The following PTPRM variants were observed in gnomAD, a reference collection of about 807,000 sequenced individuals.
PTPRM encodes protein tyrosine phosphatase receptor type M, also known as receptor-type tyrosine-protein phosphatase mu.
A neutral mutation model predicts 186.7 loss-of-function variants in PTPRM; 47 were observed. The observed-to-expected ratio is 0.25, with a 90% CI of 0.20 to 0.32. PTPRM has a LOEUF of 0.32. PTPRM is among the 10% of genes least tolerant of loss of function. PTPRM has a pLI of 1.00. For missense variants in PTPRM, 1,494 were observed against 1,865.0 expected (o/e 0.80, Z 3.66); for synonymous variants, 668 against 674.9 (o/e 0.99, Z 0.16).
Position 7,921,659 on chromosome 18 carries a change from C to T in PTPRM, c.548-4909C>T, listed in dbSNP as rs567960722. ...CCTCTCAAAGTGCTGGGATTACAGG[C>T]GTGAGCCACCGCACCCGGCCTCTAA... On this transcript the variant is annotated intron_variant, in intron 4 of 32. Coordinates refer to ENST00000580170, the MANE Select transcript of PTPRM (RefSeq NM_001105244.2). Among the ~76,000 whole-genome samples, 12 of 152,226 alleles carry T rather than the reference C, an allele frequency of 7.9e-5. No homozygotes were observed. The East Asian group carries it at 1.9e-3, about 24-fold the overall frequency.
At chr18:7,789,424 T>C (rs1164455819) in intron 2 of PTPRM, among the ~76,000 whole-genome samples, 1 of 152,196 alleles carries the variant, frequency 6.6e-6, no homozygotes. Flanking sequence ...AGTTGATCAA[T>C]GCTTTACTTG....
intron 19 of PTPRM, among the ~76,000 whole-genome samples, chr18:8,274,163 C>G (rs1266711256): frequency 6.6e-6 from 1 of 152,124 alleles, no homozygotes; most frequent in Non-Finnish European, 1.5e-5. Context: ...GCGGTTTATG[C>G]TTTGTTTAGG....
chr18:7,629,408 T>A (rs145999389), intron 1 of PTPRM, among the ~76,000 whole-genome samples: 15 of 152,318 alleles, frequency 9.8e-5, no homozygotes, highest in African/African-American at 3.6e-4. Context: ...GGATGTGTTC[T>A]GGTTACCCTG....
At chr18:7,884,821 G>T (rs995154109) in intron 2 of PTPRM, among the ~76,000 whole-genome samples, 1 of 150,522 alleles carries the variant, frequency 6.6e-6, no homozygotes, top group African/African-American at 2.4e-5. Context: ...CTACTCAGGA[G>T]GCTGAGGCAG....
intron 2 of PTPRM, among the ~76,000 whole-genome samples, chr18:7,859,673 C>T (rs1235478439): frequency 6.6e-6 from 1 of 152,194 alleles, no homozygotes; most frequent in Non-Finnish European, 1.5e-5. Flanking sequence ...ACCAGGGAAC[C>T]AGTCAGAAAT....
At chr18:7,750,218 G>A (rs1416403986) in intron 1 of PTPRM, among the ~76,000 whole-genome samples, 1 of 152,104 alleles carries the variant, frequency 6.6e-6, no homozygotes, top group East Asian at 1.9e-4. Flanking sequence ...GTTTTGATAA[G>A]CTAAATTTAA....
intron 6 of PTPRM, 112 bp from the exon 7 acceptor site, chr18:7,955,009 A>G (rs2147114491): frequency 3.4e-6 from 4 of 1,184,486 alleles, no homozygotes; most frequent in Non-Finnish European, 4.6e-6. Context: ...TTTCTCATCA[A>G]TTTATTCCTG....
chr18:8,359,585 C>G (rs890816125), intron 23 of PTPRM, among the ~76,000 whole-genome samples: 2 of 152,238 alleles, frequency 1.3e-5, no homozygotes, highest in African/African-American at 4.8e-5. Flanking sequence ...CTGCCACAGT[C>G]TTTGGGGTAC....
chr18:8,275,282 G>A (rs928703712), intron 19 of PTPRM, among the ~76,000 whole-genome samples: 1 of 151,914 alleles, frequency 6.6e-6, no homozygotes, highest in African/African-American at 2.4e-5. Context: ...CCAAAAAAAA[G>A]AAAAATTAAA....
At chr18:8,333,896 A>G (rs2148183065) in intron 22 of PTPRM, among the ~76,000 whole-genome samples, 1 of 152,326 alleles carries the variant, frequency 6.6e-6, no homozygotes, top group Non-Finnish European at 1.5e-5. Flanking sequence ...GAACCACGCT[A>G]GAAACAAACA....
chr18:8,375,345 A>G (rs960971733), intron 24 of PTPRM, among the ~76,000 whole-genome samples: 1 of 152,188 alleles, frequency 6.6e-6, no homozygotes, highest in Non-Finnish European at 1.5e-5. Context: ...ACTCAAAAAC[A>G]TATTTCTGTA....
At chr18:7,838,365 G>A (rs535684223) in intron 2 of PTPRM, among the ~76,000 whole-genome samples, 2 of 152,286 alleles carry the variant, frequency 1.3e-5, no homozygotes, top group South Asian at 4.1e-4. Flanking sequence ...GGGATTATGG[G>A]AACTACGATT....
At chr18:8,295,959 A>G (rs1422325765) in intron 19 of PTPRM, among the ~76,000 whole-genome samples, 3 of 152,340 alleles carry the variant, frequency 2.0e-5, no homozygotes, top group Non-Finnish European at 2.9e-5. Flanking sequence ...CCTTTCTTCA[A>G]TTAGCAATTA....
intron 5 of PTPRM, among the ~76,000 whole-genome samples, chr18:7,932,501 T>C: frequency 6.6e-6 from 1 of 152,314 alleles, no homozygotes; most frequent in East Asian, 1.9e-4. Flanking sequence ...CAGTTTTATA[T>C]GTCTAATATT....
At chr18:8,181,718 G>A (rs1030918857) in intron 14 of PTPRM, among the ~76,000 whole-genome samples, 12 of 152,154 alleles carry the variant, frequency 7.9e-5, no homozygotes, top group African/African-American at 2.9e-4. Context: ...CAAGCTGAGG[G>A]TCTCTGAGGG....
chr18:7,605,423 C>T (rs1455332501), intron 1 of PTPRM, among the ~76,000 whole-genome samples: 1 of 151,320 alleles, frequency 6.6e-6, no homozygotes, highest in Non-Finnish European at 1.5e-5. Context: ...AAAATGTCCC[C>T]CCCCCACTTC....
intron 22 of PTPRM, among the ~76,000 whole-genome samples, chr18:8,330,093 G>A (rs1193940926): frequency 6.6e-6 from 1 of 152,070 alleles, no homozygotes; most frequent in Non-Finnish European, 1.5e-5. Context: ...ATGAGGCACT[G>A]CACCCAACCT....
intron 1 of PTPRM, among the ~76,000 whole-genome samples, chr18:7,658,422 C>T (rs868797837): frequency 6.6e-6 from 1 of 150,390 alleles, no homozygotes; most frequent in East Asian, 1.9e-4. Flanking sequence ...GCAGAATGGT[C>T]GGTCACTGAT....
Position 8,383,720 on chromosome 18 carries a change from G to A in PTPRM, c.3919-841G>A, listed in dbSNP as rs147692673. Among the ~76,000 whole-genome samples the A allele has an allele frequency of 3.9e-5, 6 of 152,266 alleles. 1 individual carries two copies. In the East Asian group the frequency reaches 1.2e-3, roughly 29 times the overall value. ...AGATTTGCTAGATCTGAGCTGCAAG[G>A]GTTTGGACTGGAACATAAAAATGCA... On this transcript the variant is annotated intron_variant, in intron 29 of 32. Coordinates refer to ENST00000580170, the MANE Select transcript of PTPRM (RefSeq NM_001105244.2).
Sources: allele counts gnomAD v4.1 joint callset (sites outside exome capture counted in the v4.1 genomes callset), GRCh38; gene constraint gnomAD v4.1.1; transcripts MANE v1.5; gene names NCBI Gene and HGNC (gene_info 2026-07-23, HGNC 2026-07-21).